The following ABCB11 variants were observed in gnomAD, a reference collection of about 807,000 sequenced individuals.
The protein encoded by ABCB11 is ATP binding cassette subfamily B member 11, also known as bile salt export pump.
ABCB11 carries 95 observed loss-of-function variants against 148.0 expected under a neutral mutation model. The observed-to-expected ratio is 0.64, with a 90% CI of 0.54 to 0.76. The LOEUF (loss-of-function observed/expected upper bound fraction) is 0.76. Ranked by LOEUF, ABCB11 falls within the 30% of genes least tolerant of loss-of-function variation. The pLI, the probability that ABCB11 is intolerant of heterozygous loss-of-function variation, is 0.00. For missense variants in ABCB11, 1,523 were observed against 1,617.8 expected (o/e 0.94, Z 1.01); for synonymous variants, 591 against 555.4 (o/e 1.06, Z -0.90).
intron 19 of ABCB11, among the ~76,000 whole-genome samples, chr2:168,950,051 G>A (rs1224692204): frequency 6.7e-6 from 1 of 149,578 alleles, no homozygotes; most frequent in Non-Finnish European, 1.5e-5. Context: ...GCCTATTGTG[G>A]GACCTTGTGA....
At chr2:168,975,095 A>C (rs1402266290) in intron 12 of ABCB11, among the ~76,000 whole-genome samples, 2 of 88,602 alleles carry the variant, frequency 2.3e-5, no homozygotes, top group Non-Finnish European at 4.8e-5. Flanking sequence ...TTATATTTAA[A>C]TATTTATAGA....
chr2:168,971,951 T>C lies in ABCB11; in HGVS notation c.1534A>G (p.Ile512Val), dbSNP rs761905396. The C allele has an allele frequency of 1.2e-6, 2 of 1,613,134 alleles. No homozygotes were observed. Among genetic ancestry groups the C allele is most frequent in the Admixed American group, 3.3e-5 (2 of 59,894 alleles). The change falls in exon 14 of 28, where the codon ATT becomes GTT. Residue 512 changes from isoleucine (I) to valine (V), a missense_variant. Coordinates refer to ENST00000650372, the MANE Select transcript of ABCB11 (RefSeq NM_003742.4). ...EQEPVLFSTT[I>V]AENIRYGRED... The stretch of plus-strand genomic sequence containing the variant: ...CTGCCATAGCGAATATTTTCTGCAA[T>C]GGTGGTAGAGAACAGAACTGGCTCT...
chr2:168,929,581 G>T (rs1373846700), intron 25 of ABCB11, among the ~76,000 whole-genome samples: 1 of 152,186 alleles, frequency 6.6e-6, no homozygotes, highest in East Asian at 1.9e-4. Flanking sequence ...AACAGAATGT[G>T]CTCTGAATTC....
downstream of ABCB11, among the ~76,000 whole-genome samples, chr2:168,919,859 TGTTTTTTG>T (rs1691024838): frequency 1.3e-5 from 2 of 151,594 alleles, no homozygotes; most frequent in African/African-American, 4.9e-5. Flanking sequence ...TGTTTTGTTT[TGTTTTTTG>T]GTTTTTTGGT....
intron 5 of ABCB11, among the ~76,000 whole-genome samples, chr2:169,011,220 A>G (rs1573975397): frequency 1.3e-5 from 2 of 152,186 alleles, no homozygotes; most frequent in South Asian, 4.1e-4. Flanking sequence ...ATACTTGAGG[A>G]CCTTTTCCTC....
At position 168,923,485 on chromosome 2, in the gene ABCB11, A is replaced by C; in HGVS notation, c.*137T>G. ...GCTTGGATTCCGATGTAGGAAAATG[A>C]CTGTAAAAGTAAAATATTAACATTC... On this transcript the variant is annotated 3_prime_UTR_variant, in exon 28 of 28. Coordinates refer to ENST00000650372, the MANE Select transcript of ABCB11 (RefSeq NM_003742.4). The C allele has an allele frequency of 1.3e-6, 1 of 764,912 alleles. No homozygotes were observed. Among genetic ancestry groups the C allele is most frequent in the Non-Finnish European group, 2.1e-6 (1 of 472,652 alleles). 47.4% of individuals were successfully genotyped at this position (764,912 alleles called of 1,614,324 possible).
downstream of ABCB11, among the ~76,000 whole-genome samples, chr2:168,917,450 C>T (rs1427243089): frequency 2.6e-5 from 4 of 152,162 alleles, no homozygotes; most frequent in Non-Finnish European, 5.9e-5. Context: ...GGAAGCTTAG[C>T]TAATATGACC....
downstream of ABCB11, among the ~76,000 whole-genome samples, chr2:168,919,777 G>A (rs537833569): frequency 6.6e-5 from 10 of 152,088 alleles, no homozygotes; most frequent in Non-Finnish European, 1.5e-4. Flanking sequence ...GAATTTTGAA[G>A]GCAAATCTTT....
At chr2:169,014,447 A>G in intron 3 of ABCB11, 93 bp from the exon 4 acceptor site, 2 of 1,245,848 alleles carry the variant, frequency 1.6e-6, no homozygotes, top group African/African-American at 1.5e-5. Flanking sequence ...ATTCTTTAGT[A>G]AGAAAGAAAA....
At chr2:168,956,436 G>A (rs994429048) in intron 19 of ABCB11, among the ~76,000 whole-genome samples, 3 of 151,638 alleles carry the variant, frequency 2.0e-5, no homozygotes, top group South Asian at 4.1e-4. Context: ...TATATCTGAT[G>A]TATCAGTTGC....
chr2:168,991,315 A>G (rs73972733), intron 8 of ABCB11, among the ~76,000 whole-genome samples: 7,657 of 152,190 alleles, frequency 0.05, 639 homozygotes, highest in African/African-American at 0.17. Context: ...TGCAGATATC[A>G]TGATTGGGTA....
chr2:168,946,394 A>C (rs1226122063), intron 19 of ABCB11, among the ~76,000 whole-genome samples: 1 of 151,788 alleles, frequency 6.6e-6, no homozygotes, highest in Non-Finnish European at 1.5e-5. Context: ...AACCCGTTCA[A>C]ATTATGGCAA....
At chr2:168,990,444 A>G (rs531810878) in intron 9 of ABCB11, among the ~76,000 whole-genome samples, 1 of 151,986 alleles carries the variant, frequency 6.6e-6, no homozygotes, top group Non-Finnish European at 1.5e-5. Flanking sequence ...CTGTGGTATC[A>G]GTTGTAATGT....
At chr2:168,941,950 C>T (rs1692081657) in intron 21 of ABCB11, among the ~76,000 whole-genome samples, 1 of 151,904 alleles carries the variant, frequency 6.6e-6, no homozygotes, top group African/African-American at 2.4e-5. Context: ...GTGTGACATG[C>T]TTTATTGCAA....
intron 8 of ABCB11, among the ~76,000 whole-genome samples, chr2:168,992,238 T>C (rs1430281051): frequency 6.6e-6 from 1 of 151,978 alleles, no homozygotes; most frequent in Non-Finnish European, 1.5e-5. Context: ...GACGAGTTTA[T>C]GAGAAGCTAG....
At chr2:168,987,159 T>C (rs549699735) in intron 9 of ABCB11, among the ~76,000 whole-genome samples, 2 of 152,258 alleles carry the variant, frequency 1.3e-5, no homozygotes, top group East Asian at 3.9e-4. Context: ...TAAGAGGTTG[T>C]AAATCCTATT....
intron 18 of ABCB11, among the ~76,000 whole-genome samples, chr2:168,962,577 TCTTA>T (rs1402487630): frequency 6.6e-6 from 1 of 151,608 alleles, no homozygotes; most frequent in African/African-American, 2.4e-5. Context: ...TTCCATCCTT[TCTTA>T]CTTTTACTTT....
intron 26 of ABCB11, 144 bp downstream of exon 26, chr2:168,927,012 A>G: frequency 2.8e-6 from 2 of 713,030 alleles, no homozygotes; most frequent in Admixed American, 5.2e-5. Flanking sequence ...CTGTGGAATC[A>G]TGTTGGCATT....
At position 168,955,353 on chromosome 2, in the gene ABCB11, C is replaced by T. The variant is rs532108630; in HGVS notation, c.2343+2611G>A. On this transcript the variant is annotated intron_variant, in intron 19 of 27. Transcript: ENST00000650372. ...GAGGTTTAATTGACTCACAGTTCCA[C>T]ATGGCTGAGGAGATCTCAAAAAACT... 3.3e-5 allele frequency among the ~76,000 whole-genome samples: 5 copies of T among 151,756 alleles called. No homozygotes were observed. In the East Asian group the frequency reaches 7.8e-4, roughly 24 times the overall value.
Sources: gnomAD v4.1 joint callset for allele counts (sites outside exome capture counted in the v4.1 genomes callset) on GRCh38, gnomAD v4.1.1 for gene constraint, MANE v1.5 for transcripts, NCBI Gene and HGNC (gene_info 2026-07-23, HGNC 2026-07-21) for gene names.